Variants in PPP1R12A observed in about 807,000 individuals in gnomAD.
The protein encoded by PPP1R12A is myosin binding subunit.
PPP1R12A carries 19 observed loss-of-function variants against 139.6 expected under a neutral mutation model. The observed-to-expected ratio is 0.14, with a 90% CI of 0.09 to 0.20. The LOEUF (loss-of-function observed/expected upper bound fraction) is 0.20. PPP1R12A is among the 10% of genes least tolerant of loss of function. The pLI is 1.00. For missense variants in PPP1R12A, 925 were observed against 1,211.5 expected, an observed-to-expected ratio of 0.76 and a Z score of 3.51; for synonymous variants, 427 against 420.6, an observed-to-expected ratio of 1.02 and a Z score of -0.19.
At chr12:79,910,437 C>T (rs1357278939) in intron 1 of PPP1R12A, among the ~76,000 whole-genome samples, 2 of 150,892 alleles carry the variant, frequency 1.3e-5, no homozygotes, top group Non-Finnish European at 2.9e-5. Context: ...GCCGAGACGG[C>T]GCCACTGCCT....
At chr12:79,783,275 C>T (rs909312199) in intron 22 of PPP1R12A, among the ~76,000 whole-genome samples, 14 of 128,152 alleles carry the variant, frequency 1.1e-4, no homozygotes, top group Non-Finnish European at 1.7e-4. Context: ...CTGGGCAACA[C>T]GGTGAAACCC....
rs573436685 is a variant in PPP1R12A at position 79,901,694 on chromosome 12, C to T, written c.238-28756G>A. ...TACTCAATATTTTAACTTAATTGCT[C>T]AACAATTATTTACTGAGAACTCACT... On this transcript the variant is annotated intron_variant, in intron 1 of 24. Coordinates refer to ENST00000450142, the MANE Select transcript of PPP1R12A (RefSeq NM_002480.3). Among the ~76,000 whole-genome samples the T allele has an allele frequency of 4.6e-5, 7 of 152,182 alleles. No individual in the cohort carries two copies. The South Asian group carries it at 1.2e-3, about 27-fold the overall frequency.
intron 1 of PPP1R12A, among the ~76,000 whole-genome samples, chr12:79,918,986 T>G (rs1887219910): frequency 6.6e-6 from 1 of 151,610 alleles, no homozygotes; most frequent in Non-Finnish European, 1.5e-5. Flanking sequence ...CGTGGTGGCA[T>G]GCGCCTGTAA....
intron 1 of PPP1R12A, among the ~76,000 whole-genome samples, chr12:79,889,755 A>T (rs923530056): frequency 6.6e-6 from 1 of 152,162 alleles, no homozygotes; most frequent in Non-Finnish European, 1.5e-5. Flanking sequence ...TTAAAATATC[A>T]TAAACTGGGG....
intron 1 of PPP1R12A, among the ~76,000 whole-genome samples, chr12:79,879,860 CAA>C (rs995773713): frequency 1.3e-5 from 2 of 150,220 alleles, no homozygotes; most frequent in African/African-American, 4.9e-5. Context: ...AATTATACCT[CAA>C]GTTAAAAAGT....
intron 2 of PPP1R12A, among the ~76,000 whole-genome samples, chr12:79,852,827 G>C (rs1880214679): frequency 6.6e-6 from 1 of 152,184 alleles, no homozygotes; most frequent in Admixed American, 6.5e-5. Flanking sequence ...GGGTGCATAG[G>C]TAGAGAAAGG....
intron 18 of PPP1R12A, among the ~76,000 whole-genome samples, chr12:79,794,368 T>C (rs1872252166): frequency 6.6e-6 from 1 of 152,086 alleles, no homozygotes; most frequent in Non-Finnish European, 1.5e-5. Flanking sequence ...AATGCGAAGA[T>C]ACTAAAACTC....
chr12:79,935,278 C>A (rs887630892), upstream of PPP1R12A: 3 of 1,079,784 alleles, frequency 2.8e-6, no homozygotes, highest in Non-Finnish European at 3.4e-6. Context: ...AGAGCGCTCC[C>A]GCGAACTGCG....
chr12:79,913,190 T>C (rs1886725707), intron 1 of PPP1R12A, among the ~76,000 whole-genome samples: 1 of 152,250 alleles, frequency 6.6e-6, no homozygotes. Context: ...AAAACACACA[T>C]GTGCACACGC....
chr12:79,919,801 T>C (rs981725404), intron 1 of PPP1R12A, among the ~76,000 whole-genome samples: 6 of 152,168 alleles, frequency 3.9e-5, no homozygotes, highest in South Asian at 2.1e-4. Flanking sequence ...GGGGGACTGA[T>C]AGAAGATAAT....
intron 1 of PPP1R12A, among the ~76,000 whole-genome samples, chr12:79,905,351 C>A (rs1886017560): frequency 9.5e-6 from 1 of 105,534 alleles, no homozygotes; most frequent in Admixed American, 1.4e-4. Context: ...CCCCCCCCAC[C>A]CCTTTTTTTT....
chr12:79,814,815 C>CAAA lies in PPP1R12A; in HGVS notation c.1239+2576_1239+2578dup, dbSNP rs149384466. Reference sequence around the variant, plus strand: ...GGGTGACAAGAGTGAAACTCTGTCTCAAAAAAAAAAAAAAAAAAAAAAAAA... The same window carrying CAAA: ...GGGTGACAAGAGTGAAACTCTGTCTCAAAAAAAAAAAAAAAAAAAAAAAAAAAA... On this transcript the variant is annotated intron_variant, in intron 9 of 24. Transcript: ENST00000450142. Among the ~76,000 whole-genome samples the CAAA allele has an allele frequency of 3.3e-3, 227 of 69,616 alleles. 12 individuals are homozygous for CAAA. The highest frequency in any genetic ancestry group is 0.019 in the East Asian group (31 of 1,650). The allele number at this position is 69,616 out of a possible 152,430, so 45.7% of individuals were successfully genotyped here. A position where few individuals can be genotyped will look rare whatever the true frequency, so the allele number is the denominator to read the frequency against.
intron 20 of PPP1R12A, chr12:79,789,771 G>A: frequency 2.8e-6 from 1 of 352,724 alleles, no homozygotes; most frequent in East Asian, 8.2e-5. Context: ...TTTTGAATTA[G>A]GTGACACTTT....
intron 19 of PPP1R12A, among the ~76,000 whole-genome samples, chr12:79,792,787 T>G (rs944774049): frequency 1.3e-5 from 2 of 152,136 alleles, no homozygotes; most frequent in Non-Finnish European, 2.9e-5. Context: ...CCCCTCTTGT[T>G]TAATAAAGAA....
chr12:79,874,932 C>A (rs930687154), intron 1 of PPP1R12A, among the ~76,000 whole-genome samples: 1 of 152,158 alleles, frequency 6.6e-6, no homozygotes, highest in African/African-American at 2.4e-5. Context: ...GAATGCTCTG[C>A]CCCCAGATCT....
At chr12:79,826,463 C>T (rs1876786111) in intron 5 of PPP1R12A, among the ~76,000 whole-genome samples, 1 of 151,624 alleles carries the variant, frequency 6.6e-6, no homozygotes, top group African/African-American at 2.4e-5. Context: ...CTCAGCCTCC[C>T]ATGTAGCTGG....
In PPP1R12A at chr12:79,843,222, T is replaced by TA. The variant is rs539105298; in HGVS notation, c.487+2079dup. Among the ~76,000 whole-genome samples, 27 of 152,300 alleles carry TA rather than the reference T, an allele frequency of 1.8e-4. No homozygotes were observed. In the South Asian group the frequency reaches 5.2e-3, roughly 29 times the overall value. The stretch of plus-strand genomic sequence containing the variant: ...GCTTTCATCTTTTGGCTAATATGAA[T>TA]AATTTGTACACCCATGTTTGTACAA... On this transcript the variant is annotated intron_variant, in intron 3 of 24. Transcript: ENST00000450142.
At chr12:79,902,081 G>A (rs1272775524) in intron 1 of PPP1R12A, among the ~76,000 whole-genome samples, 1 of 152,198 alleles carries the variant, frequency 6.6e-6, no homozygotes, top group Non-Finnish European at 1.5e-5. Flanking sequence ...AGCAGATCCA[G>A]ATAAGTCTTG....
At chr12:79,813,987 A>T (rs1193283688) in intron 9 of PPP1R12A, among the ~76,000 whole-genome samples, 1 of 152,224 alleles carries the variant, frequency 6.6e-6, no homozygotes, top group Non-Finnish European at 1.5e-5. Flanking sequence ...CTGGGAACCT[A>T]AAAACAGATA....
Sources: allele counts gnomAD v4.1 joint callset (sites outside exome capture counted in the v4.1 genomes callset), GRCh38; gene constraint gnomAD v4.1.1; transcripts MANE v1.5; gene names NCBI Gene and HGNC (gene_info 2026-07-23, HGNC 2026-07-21).